MAP3K15: variants seen among roughly 807,000 people sequenced by gnomAD.
MAP3K15 encodes the protein mitogen-activated protein kinase kinase kinase 15.
MAP3K15 carries 124 observed loss-of-function variants against 99.5 expected under a neutral mutation model. The ratio of observed to expected loss-of-function variants is 1.25; its 90% CI spans 1.08 to 1.45. The LOEUF (loss-of-function observed/expected upper bound fraction) is 1.45, where lower values mean the gene tolerates loss of function less well. Ranked by LOEUF, MAP3K15 falls within the 40% of genes most tolerant of loss-of-function variation. The pLI is 0.00. For synonymous variants in MAP3K15, 494 were observed against 439.6 expected (o/e 1.12, Z -1.55); for missense variants, 1,242 against 1,079.7 (o/e 1.15, Z -2.11).
intron 21 of MAP3K15, 77 bp from the exon 22 acceptor site, chrX:19,372,904 T>C: frequency 9.8e-7 from 1 of 1,024,546 alleles, no homozygotes; most frequent in Non-Finnish European, 1.3e-6. Flanking sequence ...TAGGACGCCC[T>C]GGAGAAGGGC....
chrX:19,497,565 C>T (rs2064414789), intron 1 of MAP3K15: 1 of 111,735 alleles, frequency 8.9e-6, no homozygotes. Flanking sequence ...TCTTTGCTTC[C>T]AGCTCAACCA....
At position 19,380,138 on chromosome X, in the gene MAP3K15, C is replaced by T. The variant is rs770188034; in HGVS notation, c.2571G>A (p.Pro857=). The T allele has an allele frequency of 3.6e-5, 43 of 1,191,515 alleles. No individual in the cohort carries two copies. The highest frequency in any genetic ancestry group is 3.0e-4 in the South Asian group (16 of 53,511). The change falls in exon 19 of 29, where the codon CCG becomes CCA. Residue 857 remains proline, a synonymous_variant. Transcript: ENST00000338883. The part of the protein sequence containing the change: ...SKPPFHELGE[P]QAAMFKVGMF... ...GACTTACTTTGAACATGGCTGCCTG[C>T]GGCTCACCAAGCTCATGGAACGGAG...
chrX:19,466,965 A>C (rs762048899), intron 3 of MAP3K15, among the ~76,000 whole-genome samples: 149 of 111,156 alleles, frequency 1.3e-3, no homozygotes, highest in African/African-American at 4.5e-3. Flanking sequence ...ACAAATTTGT[A>C]AACTTTCTTA....
intron 24 of MAP3K15, 80 bp downstream of exon 24, chrX:19,370,879 G>A (rs1439272362): frequency 1.7e-5 from 13 of 755,896 alleles, no homozygotes; most frequent in Non-Finnish European, 2.6e-5. Flanking sequence ...AAAGAGAAAA[G>A]CAACAACTGT....
intron 1 of MAP3K15, among the ~76,000 whole-genome samples, chrX:19,502,404 TC>T (rs1420090742): frequency 1.8e-5 from 2 of 111,372 alleles, no homozygotes; most frequent in African/African-American, 6.5e-5. Flanking sequence ...AGTGGCAGTT[TC>T]CCCTGTGCTC....
At chrX:19,409,872 A>G (rs2063674172) in intron 12 of MAP3K15, 52 bp downstream of exon 12, 1 of 964,164 alleles carries the variant, frequency 1.0e-6, no homozygotes, top group East Asian at 3.1e-5. Flanking sequence ...TGCATAAAAC[A>G]TTATCATCAT....
rs1042564017 is a variant in MAP3K15, at chrX:19,381,733, A to G, written c.2432-1456T>C. Reference sequence around the variant, plus strand: ...GTGGGAGACAGCACACGGGGAGGTCAGTCAAGGGCTCTGCGAATAACATCC... The same window carrying G: ...GTGGGAGACAGCACACGGGGAGGTCGGTCAAGGGCTCTGCGAATAACATCC... On this transcript the variant is annotated intron_variant, in intron 18 of 28. Coordinates refer to ENST00000338883, the MANE Select transcript of MAP3K15 (RefSeq NM_001001671.4). 5.3e-5 allele frequency among the ~76,000 whole-genome samples: 6 copies of G among 112,416 alleles called. No individual in the cohort carries two copies. The South Asian group carries it at 1.8e-3, about 34-fold the overall frequency.
chrX:19,487,762 A>G (rs750123087), intron 2 of MAP3K15, among the ~76,000 whole-genome samples: 3 of 112,053 alleles, frequency 2.7e-5, no homozygotes, highest in Non-Finnish European at 3.8e-5. Flanking sequence ...CAGAAAATCT[A>G]GTTAATATTA....
At chrX:19,470,855 A>C (rs2147373268) in intron 3 of MAP3K15, among the ~76,000 whole-genome samples, 1 of 112,206 alleles carries the variant, frequency 8.9e-6, no homozygotes, top group East Asian at 2.8e-4. Context: ...TTGAAAGCAG[A>C]TATTACAAAT....
At chrX:19,424,243 TACATATATATAC>T (rs1555952919) in intron 9 of MAP3K15, among the ~76,000 whole-genome samples, 4 of 85,111 alleles carry the variant, frequency 4.7e-5, no homozygotes, top group African/African-American at 2.4e-4. Flanking sequence ...CACATATATA[TACATATATATAC>T]ACATATATAT....
At chrX:19,425,175 A>C (rs999434149) in intron 9 of MAP3K15, among the ~76,000 whole-genome samples, 23 of 111,480 alleles carry the variant, frequency 2.1e-4, no homozygotes, top group African/African-American at 7.5e-4. Flanking sequence ...TCCAGTTTTC[A>C]TTTGTGATAA....
intron 12 of MAP3K15, among the ~76,000 whole-genome samples, 162 bp from the exon 13 acceptor site, chrX:19,407,445 A>G (rs1269354901): frequency 8.9e-6 from 1 of 112,163 alleles, no homozygotes; most frequent in East Asian, 2.8e-4. Flanking sequence ...AAATTTAAAT[A>G]CCAGAGACAT....
At chrX:19,465,830 GGTGTGTGTGTGTGTGTGT>G (rs10589040) in intron 3 of MAP3K15, among the ~76,000 whole-genome samples, 1 of 94,006 alleles carries the variant, frequency 1.1e-5, no homozygotes, top group African/African-American at 3.9e-5. Flanking sequence ...GGTGTGTAGG[GGTGTGTGTGTGTGTGTGT>G]GTGTGTGTGT....
intron 9 of MAP3K15, among the ~76,000 whole-genome samples, chrX:19,420,439 G>A (rs1328993780): frequency 9.0e-6 from 1 of 111,536 alleles, no homozygotes; most frequent in Non-Finnish European, 1.9e-5. Context: ...AAATCTAGAA[G>A]AAATGGATAA....
intron 3 of MAP3K15, among the ~76,000 whole-genome samples, chrX:19,472,379 T>C (rs1465616145): frequency 9.0e-6 from 1 of 111,586 alleles, no homozygotes; most frequent in Non-Finnish European, 1.9e-5. Context: ...TTATAAAAGA[T>C]AGTATAATTG....
At chrX:19,392,620 C>A in intron 16 of MAP3K15, 147 bp from the exon 17 acceptor site, 1 of 542,749 alleles carries the variant, frequency 1.8e-6, no homozygotes, top group South Asian at 3.1e-5. Flanking sequence ...TGTTTCCTCC[C>A]CTCTGTAGCT....
intron 16 of MAP3K15, among the ~76,000 whole-genome samples, chrX:19,393,276 C>A (rs1039065278): frequency 9.0e-6 from 1 of 111,392 alleles, no homozygotes; most frequent in Non-Finnish European, 1.9e-5. Context: ...ATGAACACAT[C>A]TGTCTCTATT....
chrX:19,499,072 A>C (rs773816705), intron 1 of MAP3K15, among the ~76,000 whole-genome samples: 1 of 112,161 alleles, frequency 8.9e-6, no homozygotes, highest in East Asian at 2.8e-4. Context: ...AACCTCTCAT[A>C]ATTCAATAAT....
intron 22 of MAP3K15, 119 bp downstream of exon 22, chrX:19,372,534 A>G (rs1375870138): frequency 1.7e-6 from 1 of 603,206 alleles, no homozygotes; most frequent in Non-Finnish European, 2.6e-6. Context: ...TACAGTGATC[A>G]CCGTAACTAT....
Sources: allele counts gnomAD v4.1 joint callset (sites outside exome capture counted in the v4.1 genomes callset), GRCh38; gene constraint gnomAD v4.1.1; transcripts MANE v1.5; gene names NCBI Gene and HGNC (gene_info 2026-07-23, HGNC 2026-07-21).